Variants in SUGCT observed in about 807,000 individuals in gnomAD.
SUGCT encodes the protein succinyl-CoA:glutarate CoA-transferase.
In SUGCT, 41 loss-of-function variants were observed where a neutral mutation model predicts 55.0. The ratio of observed to expected loss-of-function variants is 0.74; its 90% confidence interval spans 0.58 to 0.97. SUGCT has a LOEUF of 0.97. Among genes scored for constraint, SUGCT ranks in the 50% least tolerant of loss-of-function variants. SUGCT has a pLI of 0.00. For synonymous variants in SUGCT, 187 were observed against 200.4 expected, an observed-to-expected ratio of 0.93 and a Z score of 0.56; for missense variants, 568 against 547.8, an observed-to-expected ratio of 1.04 and a Z score of -0.37.
intron 3 of SUGCT, among the ~76,000 whole-genome samples, chr7:40,183,048 G>A (rs1259153258): frequency 6.6e-5 from 10 of 152,190 alleles, no homozygotes; most frequent in African/African-American, 2.4e-4. Context: ...CAAGGCAGGC[G>A]GATCACCTGA....
chr7:40,914,593 C>G, the SUGCT span, among the ~76,000 whole-genome samples: 1 of 152,126 alleles, frequency 6.6e-6, no homozygotes, highest in Non-Finnish European at 1.5e-5. Context: ...AATATTAGAT[C>G]TTAAAATATG....
chr7:40,351,640 G>C (rs148552274), intron 9 of SUGCT, among the ~76,000 whole-genome samples: 55 of 152,246 alleles, frequency 3.6e-4, no homozygotes, highest in African/African-American at 1.3e-3. Context: ...AATGAGTAAA[G>C]CTTAATTTTG....
At chr7:40,451,100 C>T (rs910307146) in intron 10 of SUGCT, among the ~76,000 whole-genome samples, 7 of 152,094 alleles carry the variant, frequency 4.6e-5, no homozygotes, top group African/African-American at 1.7e-4. Context: ...AAATATGAAA[C>T]ATACGGAAGC....
chr7:40,503,954 A>T (rs946371316), intron 12 of SUGCT, among the ~76,000 whole-genome samples: 1 of 152,228 alleles, frequency 6.6e-6, no homozygotes, highest in African/African-American at 2.4e-5. Context: ...AATAGAAAAC[A>T]CTAAAATTTC....
At chr7:40,825,071 T>A (rs1008558672) in intron 13 of SUGCT, among the ~76,000 whole-genome samples, 2 of 152,046 alleles carry the variant, frequency 1.3e-5, no homozygotes, top group Non-Finnish European at 2.9e-5. Context: ...CCAGGGTTAG[T>A]GTAAAGGGGG....
the SUGCT span, among the ~76,000 whole-genome samples, chr7:40,898,484 G>GGGGGGC: frequency 4.0e-4 from 43 of 106,222 alleles, 6 homozygotes; most frequent in South Asian, 1.6e-3. Flanking sequence ...GGAGGTCGGG[G>GGGGGGC]GGGGGGGGGG....
chr7:40,505,608 A>G (rs997921071), intron 12 of SUGCT, among the ~76,000 whole-genome samples: 2 of 152,144 alleles, frequency 1.3e-5, no homozygotes, highest in African/African-American at 4.8e-5. Context: ...ATTTAATTAC[A>G]ACAAAACAAT....
At chr7:40,888,061 C>G in the SUGCT span, among the ~76,000 whole-genome samples, 1 of 152,108 alleles carries the variant, frequency 6.6e-6, no homozygotes, top group Admixed American at 6.5e-5. Flanking sequence ...ACTCCAAAGC[C>G]AATGCATTTT....
chr7:40,242,307 G>A (rs527757948), intron 7 of SUGCT, among the ~76,000 whole-genome samples: 1 of 151,944 alleles, frequency 6.6e-6, no homozygotes, highest in Non-Finnish European at 1.5e-5. Context: ...CCCAGTAGCT[G>A]GGATTATAGG....
At chr7:40,585,210 T>A (rs1309540064) in intron 12 of SUGCT, among the ~76,000 whole-genome samples, 1 of 152,162 alleles carries the variant, frequency 6.6e-6, no homozygotes, top group African/African-American at 2.4e-5. Flanking sequence ...GTTTGAGGAT[T>A]CTATAAGCAT....
At chr7:40,677,118 C>A (rs1401173227) in intron 12 of SUGCT, among the ~76,000 whole-genome samples, 1 of 152,170 alleles carries the variant, frequency 6.6e-6, no homozygotes, top group Non-Finnish European at 1.5e-5. Flanking sequence ...TGCATCCCAA[C>A]AGGCAACAGT....
the SUGCT span, among the ~76,000 whole-genome samples, chr7:40,881,164 T>C: frequency 6.6e-6 from 1 of 152,174 alleles, no homozygotes; most frequent in African/African-American, 2.4e-5. Context: ...TCTCCCATGT[T>C]CTCAGAAACC....
At chr7:40,259,538 A>G (rs1161715926) in intron 7 of SUGCT, among the ~76,000 whole-genome samples, 3 of 152,226 alleles carry the variant, frequency 2.0e-5, no homozygotes, top group Non-Finnish European at 4.4e-5. Context: ...CAATGTGCAT[A>G]TGTTTCAAAA....
At chr7:40,445,321 C>T (rs1788761421) in intron 9 of SUGCT, among the ~76,000 whole-genome samples, 1 of 152,034 alleles carries the variant, frequency 6.6e-6, no homozygotes, top group Admixed American at 6.6e-5. Context: ...GGGATATCAC[C>T]ACTGATCCCA....
the SUGCT span, among the ~76,000 whole-genome samples, chr7:40,949,338 G>A: frequency 5.3e-5 from 8 of 152,188 alleles, no homozygotes; most frequent in South Asian, 1.7e-3. Flanking sequence ...TGAGCTCTTT[G>A]TAGATTCTGG....
chr7:40,217,029 T>C (rs1787704375), intron 6 of SUGCT, among the ~76,000 whole-genome samples: 1 of 152,184 alleles, frequency 6.6e-6, no homozygotes, highest in Admixed American at 6.5e-5. Context: ...CAGTCTTATA[T>C]TGAATGGCAA....
intron 12 of SUGCT, among the ~76,000 whole-genome samples, chr7:40,667,728 T>C (rs1352602212): frequency 6.6e-6 from 1 of 152,108 alleles, no homozygotes; most frequent in Non-Finnish European, 1.5e-5. Context: ...TTTTAGTTTG[T>C]ATGCACAGAG....
chr7:40,352,857 G>A (rs2151202098), intron 9 of SUGCT, among the ~76,000 whole-genome samples: 1 of 152,248 alleles, frequency 6.6e-6, no homozygotes, highest in East Asian at 1.9e-4. Context: ...TTGCCAAACT[G>A]CTTTCCACCC....
intron 12 of SUGCT, among the ~76,000 whole-genome samples, chr7:40,631,968 G>T (rs1366334966): frequency 6.6e-6 from 1 of 151,978 alleles, no homozygotes; most frequent in Non-Finnish European, 1.5e-5. Flanking sequence ...TTTTTTCTTT[G>T]GACTCTGACC....
Sources: gnomAD v4.1 joint callset for allele counts (sites outside exome capture counted in the v4.1 genomes callset) on GRCh38, gnomAD v4.1.1 for gene constraint, MANE v1.5 for transcripts, NCBI Gene and HGNC (gene_info 2026-07-23, HGNC 2026-07-21) for gene names.